Variants in RNF150 observed in about 807,000 individuals in gnomAD.
RNF150 encodes ring finger protein 150.
Under a neutral mutation model 39.3 loss-of-function variants are expected in RNF150, and 24 were observed. The observed-to-expected ratio is 0.61, with a 90% CI of 0.44 to 0.86. The LOEUF (loss-of-function observed/expected upper bound fraction) is 0.86, where lower values mean the gene tolerates loss of function less well. Ranked by LOEUF, RNF150 falls within the 40% of genes least tolerant of loss-of-function variation. The probability of loss-of-function intolerance (pLI) is 0.00; values close to 1 mark genes in which losing one functional copy is unlikely to be tolerated. For missense variants in RNF150, 502 were observed against 587.8 expected, an observed-to-expected ratio of 0.85 and a Z score of 1.51; for synonymous variants, 255 against 227.3, an observed-to-expected ratio of 1.12 and a Z score of -1.10.
intron 1 of RNF150, among the ~76,000 whole-genome samples, chr4:140,975,542 C>T (rs1733632060): frequency 6.6e-6 from 1 of 152,084 alleles, no homozygotes; most frequent in African/African-American, 2.4e-5. Context: ...TATTTGTGGT[C>T]CATTTTTAAA....
chr4:141,054,311 G>T (rs1233847975), intron 1 of RNF150, among the ~76,000 whole-genome samples: 1 of 152,130 alleles, frequency 6.6e-6, no homozygotes, highest in Admixed American at 6.6e-5. Flanking sequence ...TTCTGTCACA[G>T]AAAATGCTAC....
intron 2 of RNF150, among the ~76,000 whole-genome samples, chr4:140,959,354 G>A (rs1011420314): frequency 6.6e-6 from 1 of 152,032 alleles, no homozygotes; most frequent in African/African-American, 2.4e-5. Context: ...GATTCCACTG[G>A]GCTGGAATAT....
At chr4:141,109,801 TA>T (rs1453994038) in intron 1 of RNF150, among the ~76,000 whole-genome samples, 1 of 152,070 alleles carries the variant, frequency 6.6e-6, no homozygotes, top group Non-Finnish European at 1.5e-5. Flanking sequence ...TGATAGCAAT[TA>T]AGAAAACAAG....
At chr4:140,972,872 T>TG (rs945937164) in intron 1 of RNF150, among the ~76,000 whole-genome samples, 22 of 152,080 alleles carry the variant, frequency 1.4e-4, no homozygotes, top group African/African-American at 4.1e-4. Context: ...TTCCATTAAA[T>TG]GGGGGAAAAG....
At chr4:141,031,089 CTAA>C (rs1311774179) in intron 1 of RNF150, among the ~76,000 whole-genome samples, 1 of 151,930 alleles carries the variant, frequency 6.6e-6, no homozygotes, top group East Asian at 1.9e-4. Context: ...GTAGCTCCAA[CTAA>C]TAATTAAATC....
In RNF150 at chr4:140,911,146, TTAG is replaced by T. The variant is rs1730581741; in HGVS notation, c.1193_1195del (p.Thr398del). On this transcript the variant is annotated inframe_deletion, in exon 6 of 7. Transcript: ENST00000515673. ...ACTTTAAGTATGGCAGAACTCACTG[TTAG>T]TAGTAAAGATGACGTCTCCCTCCTG... 6.2e-7 allele frequency: 1 copy of T among 1,611,602 alleles called. No homozygotes were observed. Among genetic ancestry groups the T allele is most frequent in the African/African-American group, 1.3e-5 (1 of 74,870 alleles).
Position 140,913,989 on chromosome 4 carries a change from G to C in RNF150, c.988-2635C>G, listed in dbSNP as rs149349590. Among the ~76,000 whole-genome samples the C allele has an allele frequency of 5.0e-3, 763 of 152,328 alleles. 6 individuals carry two copies. Among genetic ancestry groups the C allele is most frequent in the Middle Eastern group, 0.01 (3 of 294 alleles). On this transcript the variant is annotated intron_variant, in intron 5 of 6. Coordinates refer to ENST00000515673, the MANE Select transcript of RNF150 (RefSeq NM_020724.2). Reference sequence around the variant, plus strand: ...TCAGGAAGAAAAGATTTCGCAAAGAGGGTACTGTGCAGGTTGTTCTTTTGG... The same window carrying C: ...TCAGGAAGAAAAGATTTCGCAAAGACGGTACTGTGCAGGTTGTTCTTTTGG...
At chr4:141,137,733 G>A (rs1484956650), upstream of RNF150, among the ~76,000 whole-genome samples, 6 of 152,152 alleles carry the variant, frequency 3.9e-5, no homozygotes, top group African/African-American at 1.2e-4. Flanking sequence ...TTAAGTTATC[G>A]ACACATACAC....
intron 1 of RNF150, among the ~76,000 whole-genome samples, chr4:141,161,713 C>T (rs556448912): frequency 9.1e-4 from 139 of 152,324 alleles, no homozygotes; most frequent in Admixed American, 3.8e-3. Context: ...CTGTTCCTTG[C>T]ATGCTAGCTG....
At chr4:141,122,165 A>T (rs1169527719) in intron 1 of RNF150, among the ~76,000 whole-genome samples, 1 of 152,252 alleles carries the variant, frequency 6.6e-6, no homozygotes, top group East Asian at 1.9e-4. Flanking sequence ...AGAGAGAGCC[A>T]CAACTGAAAC....
intron 1 of RNF150, among the ~76,000 whole-genome samples, chr4:141,146,698 C>G (rs1243443077): frequency 6.6e-6 from 1 of 152,144 alleles, no homozygotes. Context: ...GAATATTAGC[C>G]AAACTTTGGA....
At chr4:141,101,096 T>C (rs1018469450) in intron 1 of RNF150, among the ~76,000 whole-genome samples, 2 of 152,194 alleles carry the variant, frequency 1.3e-5, no homozygotes, top group Non-Finnish European at 2.9e-5. Flanking sequence ...TTATAAACAC[T>C]ATATACTCAG....
At chr4:140,910,940 A>G in intron 6 of RNF150, 1 of 601,032 alleles carries the variant, frequency 1.7e-6, no homozygotes, top group Non-Finnish European at 2.9e-6. Flanking sequence ...AGGCAGGAGC[A>G]TGGGCACACA....
At chr4:140,965,065 G>C (rs147224793) in intron 2 of RNF150, among the ~76,000 whole-genome samples, 12 of 152,154 alleles carry the variant, frequency 7.9e-5, no homozygotes, top group East Asian at 3.9e-4. Context: ...GTTATCTACA[G>C]ATTAAAGATT....
At chr4:141,061,054 G>A (rs191824709) in intron 1 of RNF150, among the ~76,000 whole-genome samples, 29 of 152,048 alleles carry the variant, frequency 1.9e-4, no homozygotes, top group African/African-American at 7.0e-4. Flanking sequence ...AGGTTGATGG[G>A]TGCAGCAAAC....
intron 4 of RNF150, among the ~76,000 whole-genome samples, chr4:140,943,296 T>G (rs1337444305): frequency 6.6e-6 from 1 of 152,168 alleles, no homozygotes; most frequent in Non-Finnish European, 1.5e-5. Context: ...ACAGTGTATG[T>G]GAAAAGAACA....
chr4:141,175,526 A>C (rs1361263302), intron 1 of RNF150, among the ~76,000 whole-genome samples: 1 of 152,184 alleles, frequency 6.6e-6, no homozygotes, highest in African/African-American at 2.4e-5. Flanking sequence ...CCAATTCTAC[A>C]TTGTTTCTAA....
At chr4:141,007,344 G>A (rs898771265) in intron 1 of RNF150, among the ~76,000 whole-genome samples, 8 of 152,200 alleles carry the variant, frequency 5.3e-5, no homozygotes, top group African/African-American at 1.9e-4. Context: ...AAGGCTATGG[G>A]AACCCTAATT....
chr4:141,136,948 T>C (rs1727037212), upstream of RNF150, among the ~76,000 whole-genome samples: 2 of 152,268 alleles, frequency 1.3e-5, no homozygotes, highest in Middle Eastern at 3.4e-3. Context: ...TATGTGGCTA[T>C]TTGGGGGACT....
Sources: allele counts gnomAD v4.1 joint callset (sites outside exome capture counted in the v4.1 genomes callset), GRCh38; gene constraint gnomAD v4.1.1; transcripts MANE v1.5; gene names NCBI Gene and HGNC (gene_info 2026-07-23, HGNC 2026-07-21).